Variants in CHRM3 observed in about 807,000 individuals in gnomAD.
CHRM3 encodes cholinergic receptor muscarinic 3.
Under a neutral mutation model 41.8 loss-of-function variants are expected in CHRM3, and 11 were observed. That is an observed-to-expected ratio of 0.26 (90% CI 0.17 to 0.44). The LOEUF (loss-of-function observed/expected upper bound fraction) is 0.44, where lower values mean the gene tolerates loss of function less well. Ranked by LOEUF, CHRM3 falls within the 20% of genes least tolerant of loss-of-function variation. CHRM3 has a pLI of 1.00. For missense variants in CHRM3, 571 were observed against 745.4 expected (o/e 0.77, Z 2.72); for synonymous variants, 297 against 301.4 (o/e 0.99, Z 0.15).
At chr1:239,670,647 C>T (rs1322575202) in intron 4 of CHRM3, among the ~76,000 whole-genome samples, 1 of 152,122 alleles carries the variant, frequency 6.6e-6, no homozygotes, top group Non-Finnish European at 1.5e-5. Flanking sequence ...CCTGCCTCAG[C>T]TTCCCAAGCA....
intron 3 of CHRM3, among the ~76,000 whole-genome samples, chr1:239,561,536 C>T (rs540324463): frequency 6.6e-6 from 1 of 152,188 alleles, no homozygotes; most frequent in South Asian, 2.1e-4. Flanking sequence ...TGAGCACCCT[C>T]ATCGTTCTTA....
intron 1 of CHRM3, among the ~76,000 whole-genome samples, chr1:239,394,266 T>A (rs528614011): frequency 6.6e-6 from 1 of 152,304 alleles, no homozygotes; most frequent in South Asian, 2.1e-4. Flanking sequence ...TAGGGGAGAA[T>A]CCTTCCTTTC....
At chr1:239,690,949 G>A (rs1460533184) in intron 5 of CHRM3, among the ~76,000 whole-genome samples, 1 of 152,198 alleles carries the variant, frequency 6.6e-6, no homozygotes, top group African/African-American at 2.4e-5. Flanking sequence ...TGATGTTGAT[G>A]TTTGGACCCC....
At chr1:239,696,143 A>G (rs1660163274) in intron 5 of CHRM3, among the ~76,000 whole-genome samples, 2 of 152,168 alleles carry the variant, frequency 1.3e-5, no homozygotes, top group African/African-American at 4.8e-5. Flanking sequence ...TGGGTGGGAC[A>G]TTTAACCTCC....
At chr1:239,890,666 C>A (rs763523948) in intron 6 of CHRM3, among the ~76,000 whole-genome samples, 2 of 152,162 alleles carry the variant, frequency 1.3e-5, no homozygotes, top group Non-Finnish European at 2.9e-5. Context: ...TGAAATATCA[C>A]AATTCAGCAA....
At chr1:239,506,800 A>G (rs1320169829) in intron 2 of CHRM3, among the ~76,000 whole-genome samples, 1 of 152,180 alleles carries the variant, frequency 6.6e-6, no homozygotes, top group African/African-American at 2.4e-5. Context: ...TGTACCTTGC[A>G]AAGCCACAGG....
At chr1:239,424,490 A>G (rs903067632) in intron 1 of CHRM3, among the ~76,000 whole-genome samples, 4 of 152,206 alleles carry the variant, frequency 2.6e-5, no homozygotes, top group African/African-American at 7.2e-5. Flanking sequence ...TTCAACAAAC[A>G]CTTGAATGTG....
chr1:239,471,329 C>A (rs1180876621), intron 1 of CHRM3, among the ~76,000 whole-genome samples: 1 of 152,146 alleles, frequency 6.6e-6, no homozygotes, highest in African/African-American at 2.4e-5. Context: ...CAAATCAAAA[C>A]TACAAGCTGC....
chr1:239,661,335 T>C (rs779760568), intron 4 of CHRM3, among the ~76,000 whole-genome samples: 2 of 152,232 alleles, frequency 1.3e-5, no homozygotes, highest in African/African-American at 2.4e-5. Context: ...CAACATATTT[T>C]AGGTAGTATC....
At chr1:239,566,623 T>A (rs1005017761) in intron 3 of CHRM3, among the ~76,000 whole-genome samples, 11 of 152,220 alleles carry the variant, frequency 7.2e-5, no homozygotes, top group Admixed American at 1.3e-4. Context: ...TTTTATCTTA[T>A]ATTGCTGTCA....
chr1:239,694,081 C>T (rs1024943552), intron 5 of CHRM3, among the ~76,000 whole-genome samples: 1 of 151,984 alleles, frequency 6.6e-6, no homozygotes, highest in African/African-American at 2.4e-5. Context: ...GGCTTCAGAC[C>T]GTTAGATATC....
intron 6 of CHRM3, among the ~76,000 whole-genome samples, chr1:239,905,920 C>G (rs1679934702): frequency 6.6e-6 from 1 of 152,158 alleles, no homozygotes; most frequent in East Asian, 1.9e-4. Flanking sequence ...AGCTCCTGTT[C>G]TAAGTACTTT....
intron 1 of CHRM3, among the ~76,000 whole-genome samples, chr1:239,488,281 C>G (rs1667317705): frequency 6.6e-6 from 1 of 152,090 alleles, no homozygotes. Flanking sequence ...AAGTCAAACT[C>G]CCCTCCTGGA....
intron 1 of CHRM3, among the ~76,000 whole-genome samples, chr1:239,463,455 A>G (rs10925889): frequency 0.25 from 37,491 of 152,002 alleles, 4,913 homozygotes; most frequent in Middle Eastern, 0.4. Flanking sequence ...CTGGACTCAA[A>G]GCCCCCTGGA....
intron 2 of CHRM3, among the ~76,000 whole-genome samples, chr1:239,500,863 A>G (rs1668196210): frequency 2.6e-5 from 4 of 152,184 alleles, no homozygotes; most frequent in African/African-American, 7.2e-5. Flanking sequence ...CTCACCAACC[A>G]TCTGCTGCCT....
At chr1:239,670,249 A>G (rs1674222868) in intron 4 of CHRM3, among the ~76,000 whole-genome samples, 1 of 152,060 alleles carries the variant, frequency 6.6e-6, no homozygotes, top group Admixed American at 6.6e-5. Context: ...CTGTAAACAC[A>G]TGCCACCCCC....
chr1:239,401,560 G>A lies in CHRM3; in HGVS notation c.-521+14333G>A, dbSNP rs191149172. On this transcript the variant is annotated intron_variant, in intron 1 of 6. Transcript: ENST00000676153. ...GGCTGGAGTGCAGTGGTGCAATCTC[G>A]GCTCACTGCAACCTCCGCCTTCCGG... is the stretch of plus-strand genomic sequence containing the variant. 1.3e-3 allele frequency among the ~76,000 whole-genome samples: 200 copies of A among 151,218 alleles called. 1 individual carries two copies. The highest frequency in any genetic ancestry group is 4.4e-3 in the African/African-American group (183 of 41,174).
chr1:239,415,971 C>A (rs116252815), intron 1 of CHRM3, among the ~76,000 whole-genome samples: 4,393 of 152,214 alleles, frequency 0.029, 87 homozygotes, highest in Non-Finnish European at 0.045. Flanking sequence ...GAAAAGCAGA[C>A]CCTGAATATA....
At chr1:239,889,678 G>A (rs1678384406) in intron 6 of CHRM3, among the ~76,000 whole-genome samples, 1 of 152,194 alleles carries the variant, frequency 6.6e-6, no homozygotes, top group Admixed American at 6.5e-5. Flanking sequence ...AGTGGTTCAG[G>A]AGAGATGATG....
Sources: allele counts gnomAD v4.1 joint callset (sites outside exome capture counted in the v4.1 genomes callset), GRCh38; gene constraint gnomAD v4.1.1; transcripts MANE v1.5; gene names NCBI Gene and HGNC (gene_info 2026-07-23, HGNC 2026-07-21).